The following CNTNAP5 variants were observed in gnomAD, a reference collection of about 807,000 sequenced individuals.
CNTNAP5 encodes contactin-associated protein-like 5.
Under a neutral mutation model 150.2 loss-of-function variants are expected in CNTNAP5, and 72 were observed. The observed-to-expected ratio is 0.48, with a 90% CI of 0.40 to 0.58. CNTNAP5 has a LOEUF of 0.58. CNTNAP5 is among the 20% of genes least tolerant of loss of function. The pLI is 0.00. For missense variants in CNTNAP5, 1,636 were observed against 1,626.2 expected, an observed-to-expected ratio of 1.01 and a Z score of -0.10; for synonymous variants, 672 against 619.8, an observed-to-expected ratio of 1.08 and a Z score of -1.25.
chr2:124,871,718 T>C (rs942002956), intron 21 of CNTNAP5, among the ~76,000 whole-genome samples: 1 of 152,150 alleles, frequency 6.6e-6, no homozygotes, highest in Non-Finnish European at 1.5e-5. Context: ...TACTTACAAG[T>C]TGATTTAAAG....
At chr2:124,698,367 C>G (rs928560626) in intron 13 of CNTNAP5, among the ~76,000 whole-genome samples, 1 of 110,702 alleles carries the variant, frequency 9.0e-6, no homozygotes, top group East Asian at 3.4e-4. Flanking sequence ...CCCAAGTAGA[C>G]GAGAGGATAC....
chr2:124,043,161 G>A (rs1281151005), intron 1 of CNTNAP5, among the ~76,000 whole-genome samples: 1 of 152,142 alleles, frequency 6.6e-6, no homozygotes, highest in Non-Finnish European at 1.5e-5. Flanking sequence ...AGAGACTGCT[G>A]GGTTGGGAAA....
intron 13 of CNTNAP5, among the ~76,000 whole-genome samples, chr2:124,725,139 G>A (rs992390771): frequency 5.3e-5 from 8 of 151,860 alleles, no homozygotes; most frequent in African/African-American, 1.7e-4. Context: ...TCACTGATTT[G>A]TAAAATCTAT....
chr2:124,702,346 CTTTTTTTTTT>C (rs71412792), intron 13 of CNTNAP5, among the ~76,000 whole-genome samples: 2 of 52,214 alleles, frequency 3.8e-5, no homozygotes, highest in African/African-American at 7.5e-5. Context: ...ACTATGAACA[CTTTTTTTTTT>C]TTTTTTTTTT....
At chr2:124,773,909 CGT>C (rs55795835) in intron 17 of CNTNAP5, among the ~76,000 whole-genome samples, 8,869 of 131,904 alleles carry the variant, frequency 0.067, 277 homozygotes, top group African/African-American at 0.081. Flanking sequence ...TAAGGGAGTG[CGT>C]GTGTGTGTGT....
intron 19 of CNTNAP5, among the ~76,000 whole-genome samples, chr2:124,802,794 G>A (rs1483253434): frequency 6.6e-6 from 1 of 152,136 alleles, no homozygotes; most frequent in Non-Finnish European, 1.5e-5. Context: ...GTACTGAAGA[G>A]ACAAAGACAG....
intron 7 of CNTNAP5, among the ~76,000 whole-genome samples, chr2:124,481,338 T>A (rs1233310738): frequency 6.6e-6 from 1 of 152,194 alleles, no homozygotes; most frequent in Non-Finnish European, 1.5e-5. Context: ...ATAAAAACAT[T>A]CAAACTATAG....
rs1275957608 is a variant in CNTNAP5, at chr2:124,504,485, T to C, written c.1256T>C (p.Leu419Pro). 6.2e-7 allele frequency: 1 copy of C among 1,613,794 alleles called. No homozygotes were observed. Among genetic ancestry groups the C allele is most frequent in the African/African-American group, 1.3e-5 (1 of 75,024 alleles). Residue 419 changes from leucine (L) to proline (P), a missense_variant, in exon 8 of 24, where the codon CTG becomes CCG. Physicochemically the swap from Leu to Pro is moderately conservative, Grantham distance 98. Transcript: ENST00000682447. ...TCTGAGGGCTCGGGAACCCTGCTGC[T>C]GAGCCTGGAGGGTGGAATCCTGAGA... ...ELSEGSGTLL[L>P]SLEGGILRLV...
intron 3 of CNTNAP5, among the ~76,000 whole-genome samples, chr2:124,357,546 C>T (rs1011775237): frequency 6.6e-6 from 1 of 151,770 alleles, no homozygotes; most frequent in Non-Finnish European, 1.5e-5. Flanking sequence ...TTTCCCAGCA[C>T]CGTTTATTAA....
intron 10 of CNTNAP5, among the ~76,000 whole-genome samples, chr2:124,536,012 A>T (rs1239289272): frequency 6.6e-6 from 1 of 152,142 alleles, no homozygotes; most frequent in African/African-American, 2.4e-5. Flanking sequence ...GCGGTAATAC[A>T]TATGTTTTAG....
At chr2:124,178,640 A>G (rs567259898) in intron 1 of CNTNAP5, among the ~76,000 whole-genome samples, 5 of 152,280 alleles carry the variant, frequency 3.3e-5, no homozygotes, top group African/African-American at 9.6e-5. Flanking sequence ...GTCAACTTTG[A>G]TCTCAGTTCC....
At chr2:124,067,620 T>G (rs1395684417) in intron 1 of CNTNAP5, among the ~76,000 whole-genome samples, 1 of 152,188 alleles carries the variant, frequency 6.6e-6, no homozygotes, top group African/African-American at 2.4e-5. Flanking sequence ...AATTAGAGCA[T>G]GAGTAACTTT....
Position 124,242,237 on chromosome 2 carries a change from A to G in CNTNAP5, c.225A>G (p.Gln75=). Residue 75 remains glutamine (Q), a synonymous_variant, in exon 3 of 24, where the codon CAA becomes CAG. Transcript: ENST00000682447. ...GGTCCCCAGCAGATTCCAATGCTCA[A>G]CAGTGGCTCCAGATGGACCTGGGAA... ...GGWSPADSNA[Q]QWLQMDLGNR... 6.2e-7 allele frequency: 1 copy of G among 1,600,938 alleles called. No homozygotes were observed. Among genetic ancestry groups the G allele is most frequent in the South Asian group, 1.1e-5 (1 of 89,106 alleles).
chr2:124,817,483 C>G (rs1472906787), intron 19 of CNTNAP5, among the ~76,000 whole-genome samples: 2 of 152,106 alleles, frequency 1.3e-5, no homozygotes, highest in African/African-American at 4.8e-5. Flanking sequence ...CTTAATTTCT[C>G]TGGCTCTCAG....
chr2:124,315,358 A>C (rs1241201738), intron 3 of CNTNAP5, among the ~76,000 whole-genome samples: 2 of 152,090 alleles, frequency 1.3e-5, no homozygotes, highest in Non-Finnish European at 2.9e-5. Flanking sequence ...TATAATATGT[A>C]AAATTTGAAG....
At chr2:124,571,517 T>C (rs184945130) in intron 11 of CNTNAP5, among the ~76,000 whole-genome samples, 60 of 101,130 alleles carry the variant, frequency 5.9e-4, no homozygotes, top group Admixed American at 1.7e-3. Context: ...AGTACTTTTT[T>C]TTCTTTTTTC....
chr2:124,106,957 A>G (rs1228000139), intron 1 of CNTNAP5, among the ~76,000 whole-genome samples: 2 of 152,208 alleles, frequency 1.3e-5, no homozygotes, highest in Non-Finnish European at 2.9e-5. Context: ...GTGAGGGAAA[A>G]AAAACCCAGA....
intron 1 of CNTNAP5, among the ~76,000 whole-genome samples, chr2:124,183,409 G>C (rs554640881): frequency 6.6e-6 from 1 of 152,196 alleles, no homozygotes; most frequent in East Asian, 1.9e-4. Context: ...AAAATGTCTA[G>C]TTTCTTTTGA....
At chr2:124,312,117 T>C (rs1231468778) in intron 3 of CNTNAP5, among the ~76,000 whole-genome samples, 1 of 152,206 alleles carries the variant, frequency 6.6e-6, no homozygotes, top group Non-Finnish European at 1.5e-5. Flanking sequence ...GGTGACCCAG[T>C]GTGAGCCATA....
Sources: allele counts gnomAD v4.1 joint callset (sites outside exome capture counted in the v4.1 genomes callset), GRCh38; gene constraint gnomAD v4.1.1; transcripts MANE v1.5; gene names NCBI Gene and HGNC (gene_info 2026-07-23, HGNC 2026-07-21).